Variants in MBNL1 observed in about 807,000 individuals in gnomAD.
MBNL1 encodes the protein muscleblind-like protein 1.
Under a neutral mutation model 42.2 loss-of-function variants are expected in MBNL1, and 8 were observed. That is an observed-to-expected ratio of 0.19 (90% CI 0.11 to 0.34). The LOEUF is 0.34. Ranked by LOEUF, MBNL1 falls within the 10% of genes least tolerant of loss-of-function variation. The pLI is 1.00. For synonymous variants in MBNL1, 169 were observed against 173.9 expected, an observed-to-expected ratio of 0.97 and a Z score of 0.22; for missense variants, 309 against 495.3, an observed-to-expected ratio of 0.62 and a Z score of 3.57.
chr3:152,253,127 A>G (rs529159791), intron 2 of MBNL1, among the ~76,000 whole-genome samples: 1 of 152,262 alleles, frequency 6.6e-6, no homozygotes, highest in South Asian at 2.1e-4. Flanking sequence ...CACACAGATT[A>G]TTAAAGCTAT....
intron 1 of MBNL1, among the ~76,000 whole-genome samples, chr3:152,296,043 G>C (rs1284158783): frequency 6.6e-6 from 1 of 152,212 alleles, no homozygotes; most frequent in Non-Finnish European, 1.5e-5. Context: ...ACTTTGCTGA[G>C]CAGTAAAGTA....
In MBNL1 at chr3:152,273,872, G is replaced by A. The variant is rs114168235; in HGVS notation, c.-790+4780G>A. Among the ~76,000 whole-genome samples, 1,258 of 152,282 alleles carry A rather than the reference G, an allele frequency of 8.3e-3. 16 individuals carry two copies. Among genetic ancestry groups the A allele is most frequent in the African/African-American group, 0.029 (1,195 of 41,574 alleles). On this transcript the variant is annotated intron_variant, in intron 1 of 9. Coordinates refer to ENST00000324210, the MANE Select transcript of MBNL1 (RefSeq NM_021038.5). ...AAAGGTATGCAAAATACATACTCCT[G>A]TGAAGTGTGAACATACAATTTGTAT...
At chr3:152,326,702 C>G (rs937423548) in intron 2 of MBNL1, among the ~76,000 whole-genome samples, 1 of 151,908 alleles carries the variant, frequency 6.6e-6, no homozygotes, top group Admixed American at 6.6e-5. Context: ...TCTCTTCTAA[C>G]ATAAGATCTA....
At chr3:152,367,871 G>T (rs184371671) in intron 2 of MBNL1, among the ~76,000 whole-genome samples, 2,450 of 150,558 alleles carry the variant, frequency 0.016, 29 homozygotes, top group Middle Eastern at 0.086. Context: ...CTTTTTGATG[G>T]TTTTTTTTTC....
chr3:152,457,408 TA>T (rs1271637547), intron 8 of MBNL1, among the ~76,000 whole-genome samples: 28 of 152,198 alleles, frequency 1.8e-4, no homozygotes, highest in Non-Finnish European at 3.4e-4. Context: ...GAAGACCAAT[TA>T]AGACATAGAT....
chr3:152,301,987 C>T (rs891338408), intron 2 of MBNL1: 4 of 152,214 alleles, frequency 2.6e-5, no homozygotes, highest in Non-Finnish European at 5.9e-5. Context: ...TGAGTGGTTA[C>T]ACAGAAGACC....
intron 2 of MBNL1, among the ~76,000 whole-genome samples, chr3:152,310,541 CTG>C (rs2152011560): frequency 6.6e-6 from 1 of 152,298 alleles, no homozygotes; most frequent in East Asian, 1.9e-4. Context: ...ACATATTAGA[CTG>C]TTGTACATAC....
chr3:152,358,537 A>G (rs1002164251), intron 2 of MBNL1, among the ~76,000 whole-genome samples: 3 of 152,190 alleles, frequency 2.0e-5, no homozygotes, highest in Admixed American at 2.0e-4. Context: ...CTGCAACTAG[A>G]TCTATTTCCT....
At chr3:152,388,594 G>A (rs1949543) in intron 2 of MBNL1, among the ~76,000 whole-genome samples, 6,066 of 152,148 alleles carry the variant, frequency 0.04, 402 homozygotes, top group African/African-American at 0.14. Context: ...TACCTACCTA[G>A]GTCCAATCTA....
chr3:152,323,465 A>G (rs757181107), intron 2 of MBNL1, among the ~76,000 whole-genome samples: 19 of 151,310 alleles, frequency 1.3e-4, no homozygotes, highest in Non-Finnish European at 2.4e-4. Flanking sequence ...ACGTGCGTGC[A>G]CACACACACA....
At chr3:152,446,423 C>A (rs2099227009) in intron 5 of MBNL1, among the ~76,000 whole-genome samples, 1 of 152,012 alleles carries the variant, frequency 6.6e-6, no homozygotes, top group Non-Finnish European at 1.5e-5. Flanking sequence ...CTCCTCTCTT[C>A]CTTTCACTCT....
intron 2 of MBNL1, among the ~76,000 whole-genome samples, chr3:152,258,344 A>G (rs1290071682): frequency 6.6e-6 from 1 of 152,224 alleles, no homozygotes; most frequent in Non-Finnish European, 1.5e-5. Context: ...GTTTGCAGGA[A>G]CCTGAGACTA....
chr3:152,329,491 GA>G (rs143390772), intron 2 of MBNL1, among the ~76,000 whole-genome samples: 3 of 150,154 alleles, frequency 2.0e-5, no homozygotes, highest in African/African-American at 7.3e-5. Context: ...GAAAAGAAAA[GA>G]AAAAAAATTA....
chr3:152,309,638 A>G (rs1046565860), intron 2 of MBNL1, among the ~76,000 whole-genome samples: 10 of 152,226 alleles, frequency 6.6e-5, no homozygotes, highest in South Asian at 2.1e-4. Flanking sequence ...AAGCTTTTCT[A>G]TCATTTTCAA....
intron 2 of MBNL1, among the ~76,000 whole-genome samples, chr3:152,354,699 C>T (rs950715785): frequency 6.7e-6 from 1 of 150,144 alleles, no homozygotes; most frequent in Non-Finnish European, 1.5e-5. Flanking sequence ...AAATAGGGCA[C>T]ATATTGTTGT....
upstream of MBNL1, chr3:152,268,811 A>G (rs1375283241): frequency 6.7e-6 from 3 of 444,710 alleles, no homozygotes; most frequent in Non-Finnish European, 1.3e-5. Flanking sequence ...CGCGTGCATT[A>G]GGAGCTCGAC....
intron 3 of MBNL1, among the ~76,000 whole-genome samples, chr3:152,426,111 C>T (rs1340930858): frequency 6.6e-6 from 1 of 151,484 alleles, no homozygotes; most frequent in African/African-American, 2.4e-5. Flanking sequence ...GAAAACCAAA[C>T]ATCTCATGTT....
intron 4 of MBNL1, 55 bp downstream of exon 4, chr3:152,432,975 G>A: frequency 1.4e-5 from 21 of 1,515,498 alleles, no homozygotes; most frequent in Non-Finnish European, 1.9e-5. Context: ...TCAAAGTGTG[G>A]TTTTTTGTTT....
chr3:152,410,446 A>G (rs1237650406), intron 2 of MBNL1, among the ~76,000 whole-genome samples: 3 of 152,250 alleles, frequency 2.0e-5, no homozygotes, highest in Admixed American at 1.3e-4. Context: ...TACAGAAAAA[A>G]TATTACAAAA....
Sources: gnomAD v4.1 joint callset for allele counts (sites outside exome capture counted in the v4.1 genomes callset) on GRCh38, gnomAD v4.1.1 for gene constraint, MANE v1.5 for transcripts, NCBI Gene and HGNC (gene_info 2026-07-23, HGNC 2026-07-21) for gene names.